Variants in HM13 observed in about 807,000 individuals in gnomAD.
HM13 encodes the protein histocompatibility minor 13, also known as signal peptide peptidase.
Under a neutral mutation model 50.0 loss-of-function variants are expected in HM13, and 18 were observed. The ratio of observed to expected loss-of-function variants is 0.36; its 90% CI spans 0.25 to 0.53. HM13 has a LOEUF of 0.53. HM13 is among the 20% of genes least tolerant of loss of function. The pLI, the probability that HM13 is intolerant of heterozygous loss-of-function variation, is 0.90. For missense variants in HM13, 393 were observed against 552.4 expected (o/e 0.71, Z 2.89); for synonymous variants, 197 against 232.6 (o/e 0.85, Z 1.39).
At chr20:31,524,300 C>T (rs1299987117) in intron 1 of HM13, among the ~76,000 whole-genome samples, 2 of 152,070 alleles carry the variant, frequency 1.3e-5, no homozygotes, top group Non-Finnish European at 2.9e-5. Flanking sequence ...AGAGATTGTC[C>T]TCCTGTTTGA....
intron 2 of HM13, among the ~76,000 whole-genome samples, chr20:31,533,929 G>A (rs973973316): frequency 6.6e-6 from 1 of 152,064 alleles, no homozygotes; most frequent in African/African-American, 2.4e-5. Context: ...ACCCAGGCTG[G>A]AGTGCAGTGG....
At chr20:31,547,763 A>T in intron 4 of HM13, 1 of 976,626 alleles carries the variant, frequency 1.0e-6, no homozygotes, top group South Asian at 1.4e-5. Flanking sequence ...TTGCTTCACA[A>T]ATACCCTTTT....
chr20:31,519,125 C>T (rs377582661), intron 1 of HM13, among the ~76,000 whole-genome samples: 1 of 151,914 alleles, frequency 6.6e-6, no homozygotes, highest in African/African-American at 2.4e-5. Context: ...TTAATGAGAC[C>T]GAGTCTCACT....
chr20:31,567,325 T>G (rs561040590), intron 11 of HM13, among the ~76,000 whole-genome samples: 22 of 152,228 alleles, frequency 1.4e-4, no homozygotes, highest in African/African-American at 5.1e-4. Context: ...GCCCCTCCCC[T>G]TGGGGTAACC....
At chr20:31,547,458 G>A in intron 4 of HM13, 2 of 588,918 alleles carry the variant, frequency 3.4e-6, no homozygotes, top group South Asian at 4.3e-5. Context: ...CCGGAGCCTT[G>A]CCAATTCCGT....
intron 8 of HM13, among the ~76,000 whole-genome samples, chr20:31,558,371 C>T (rs1276036829): frequency 1.3e-5 from 2 of 152,136 alleles, no homozygotes; most frequent in East Asian, 3.9e-4. Context: ...GCTCAGAACT[C>T]CTCCAGTGCG....
intron 1 of HM13, among the ~76,000 whole-genome samples, chr20:31,522,956 G>A (rs1014736525): frequency 1.3e-5 from 2 of 150,128 alleles, no homozygotes; most frequent in African/African-American, 5.0e-5. Context: ...CATAACTGCT[G>A]ATGTTCATAC....
At chr20:31,533,476 G>T (rs906058293) in intron 2 of HM13, among the ~76,000 whole-genome samples, 1 of 152,238 alleles carries the variant, frequency 6.6e-6, no homozygotes, top group Non-Finnish European at 1.5e-5. Flanking sequence ...CTGCACTCCA[G>T]CCTGGGTGAC....
At chr20:31,517,826 A>T (rs1470281172) in intron 1 of HM13, among the ~76,000 whole-genome samples, 2 of 143,382 alleles carry the variant, frequency 1.4e-5, no homozygotes, top group Non-Finnish European at 3.1e-5. Flanking sequence ...TACACTTGTT[A>T]AAAAAAAAAA....
intron 1 of HM13, among the ~76,000 whole-genome samples, chr20:31,518,870 G>T (rs114885361): frequency 0.026 from 4,008 of 151,300 alleles, 90 homozygotes; most frequent in African/African-American, 0.057. Flanking sequence ...TATATATAGA[G>T]AGAGAGAGAG....
At position 31,561,122 on chromosome 20, in the gene HM13, G is replaced by A. The variant is rs184365897; in HGVS notation, c.846-512G>A. 7.9e-5 allele frequency among the ~76,000 whole-genome samples: 12 copies of A among 152,294 alleles called. No homozygotes were observed. The East Asian group carries it at 1.9e-3, about 24-fold the overall frequency. On this transcript the variant is annotated intron_variant, in intron 9 of 12. Coordinates refer to ENST00000398174, the MANE Select transcript of HM13 (RefSeq NM_178581.3). ...CACAAATAGGCTATTGAACTATTAC[G>A]TCCACTGCACTTAAAAGTAGTAACT...
At chr20:31,533,601 G>A (rs1433600899) in intron 2 of HM13, among the ~76,000 whole-genome samples, 7 of 152,244 alleles carry the variant, frequency 4.6e-5, no homozygotes, top group Admixed American at 3.9e-4. Flanking sequence ...AGGTGCCAGT[G>A]TGATAAGGCT....
intron 4 of HM13, chr20:31,548,100 G>C: frequency 8.4e-7 from 1 of 1,195,428 alleles, no homozygotes; most frequent in East Asian, 2.3e-5. Flanking sequence ...TGATTGTGTC[G>C]TATGTGTGTT....
At chr20:31,536,927 C>T (rs1983147925) in intron 2 of HM13, among the ~76,000 whole-genome samples, 1 of 152,254 alleles carries the variant, frequency 6.6e-6, no homozygotes, top group Admixed American at 6.5e-5. Flanking sequence ...CTTTCTCCCT[C>T]ACTGGCCCAT....
rs1206987564 is a variant in HM13, at chr20:31,546,273, C to T, written c.454+1238C>T. 2.0e-5 allele frequency among the ~76,000 whole-genome samples: 3 copies of T among 151,730 alleles called. No homozygotes were observed. In the East Asian group the frequency reaches 5.9e-4, roughly 30 times the overall value. On this transcript the variant is annotated intron_variant, in intron 4 of 12. Coordinates refer to ENST00000398174, the MANE Select transcript of HM13 (RefSeq NM_178581.3). Reference sequence around the variant, plus strand: ...CACCGTGTTAGGATGGTCTCCATCCCCTGACCTCTTGATTCGCCTCCCAAA... The same window carrying T: ...CACCGTGTTAGGATGGTCTCCATCCTCTGACCTCTTGATTCGCCTCCCAAA...
intron 1 of HM13, among the ~76,000 whole-genome samples, chr20:31,520,196 T>C (rs1044945510): frequency 2.0e-5 from 3 of 152,126 alleles, no homozygotes; most frequent in African/African-American, 4.8e-5. Context: ...TATGATCCAC[T>C]ATAGAGGTTG....
chr20:31,554,659 G>A (rs1984209985), intron 7 of HM13, 87 bp from the exon 8 acceptor site: 2 of 1,090,814 alleles, frequency 1.8e-6, no homozygotes, highest in African/African-American at 1.6e-5. Context: ...TCCAGCCTGG[G>A]TGACAGTGCG....
chr20:31,555,880 G>A (rs1480384090), intron 8 of HM13, among the ~76,000 whole-genome samples: 1 of 151,886 alleles, frequency 6.6e-6, no homozygotes, highest in African/African-American at 2.4e-5. Flanking sequence ...TGAGGTAGGA[G>A]GATCGTTTGA....
intron 1 of HM13, among the ~76,000 whole-genome samples, chr20:31,522,549 A>AC (rs1027526370): frequency 2.7e-5 from 4 of 150,782 alleles, no homozygotes; most frequent in African/African-American, 9.9e-5. Flanking sequence ...TCCACTAAAA[A>AC]AAAACAAAAA....
Sources: allele counts gnomAD v4.1 joint callset (sites outside exome capture counted in the v4.1 genomes callset), GRCh38; gene constraint gnomAD v4.1.1; transcripts MANE v1.5; gene names NCBI Gene and HGNC (gene_info 2026-07-23, HGNC 2026-07-21).